The following NECAB1 variants were observed in gnomAD, a reference collection of about 807,000 sequenced individuals.
NECAB1 encodes the protein N-terminal EF-hand calcium binding protein 1.
Under a neutral mutation model 57.5 loss-of-function variants are expected in NECAB1, and 29 were observed. That is an observed-to-expected ratio of 0.50 (90% CI 0.38 to 0.69). The LOEUF (loss-of-function observed/expected upper bound fraction) is 0.69. Ranked by LOEUF, NECAB1 falls within the 30% of genes least tolerant of loss-of-function variation. The probability of loss-of-function intolerance (pLI) is 0.00; values close to 1 mark genes in which losing one functional copy is unlikely to be tolerated. For missense variants in NECAB1, 372 were observed against 413.8 expected, an observed-to-expected ratio of 0.90 and a Z score of 0.88; for synonymous variants, 142 against 147.7, an observed-to-expected ratio of 0.96 and a Z score of 0.28.
chr8:90,860,241 T>TC (rs1812876314), intron 3 of NECAB1, among the ~76,000 whole-genome samples: 1 of 149,570 alleles, frequency 6.7e-6, no homozygotes, highest in African/African-American at 2.5e-5. Context: ...TTTTTTTCTT[T>TC]TTTTTTTTTT....
chr8:90,793,323 G>T (rs1169411932), intron 1 of NECAB1, among the ~76,000 whole-genome samples: 2 of 152,152 alleles, frequency 1.3e-5, no homozygotes, highest in African/African-American at 4.8e-5. Context: ...TGTACTGGCA[G>T]CCTTCACCCT....
chr8:90,904,133 A>G (rs1809576489), intron 5 of NECAB1, among the ~76,000 whole-genome samples: 1 of 152,336 alleles, frequency 6.6e-6, no homozygotes, highest in South Asian at 2.1e-4. Flanking sequence ...CCTCAAGCCA[A>G]GAATTTAATT....
At chr8:90,866,381 T>G (rs1808513503) in intron 3 of NECAB1, among the ~76,000 whole-genome samples, 1 of 152,192 alleles carries the variant, frequency 6.6e-6, no homozygotes, top group Non-Finnish European at 1.5e-5. Flanking sequence ...GTTGCAAATG[T>G]CTTTGTAAGC....
chr8:90,896,937 T>C (rs1216619595), intron 5 of NECAB1, among the ~76,000 whole-genome samples: 1 of 152,158 alleles, frequency 6.6e-6, no homozygotes, highest in Non-Finnish European at 1.5e-5. Context: ...GGTCTAACCC[T>C]AGCCAATAGG....
intron 5 of NECAB1, among the ~76,000 whole-genome samples, chr8:90,887,847 C>G (rs1033061621): frequency 1.3e-5 from 2 of 152,026 alleles, no homozygotes; most frequent in Admixed American, 1.3e-4. Flanking sequence ...TACAGTTTCT[C>G]GAATGAATGT....
intron 3 of NECAB1, among the ~76,000 whole-genome samples, chr8:90,838,573 C>A (rs888315972): frequency 6.6e-6 from 1 of 152,178 alleles, no homozygotes; most frequent in South Asian, 2.1e-4. Context: ...GTCACTCAGC[C>A]TGGAACCATT....
At chr8:90,867,563 C>T (rs963195807) in intron 3 of NECAB1, among the ~76,000 whole-genome samples, 4 of 152,112 alleles carry the variant, frequency 2.6e-5, no homozygotes, top group African/African-American at 9.7e-5. Context: ...ATCTATCATT[C>T]CGAGACTTCT....
intron 10 of NECAB1, among the ~76,000 whole-genome samples, chr8:90,945,524 G>A (rs552330303): frequency 4.8e-4 from 73 of 152,236 alleles, no homozygotes; most frequent in African/African-American, 1.5e-3. Flanking sequence ...TTATATAGAC[G>A]AAATAAATTA....
chr8:90,876,118 T>A (rs1191934208), intron 4 of NECAB1, among the ~76,000 whole-genome samples: 1 of 152,204 alleles, frequency 6.6e-6, no homozygotes, highest in East Asian at 1.9e-4. Flanking sequence ...TTTCGGTAGC[T>A]GTGCACTAAG....
intron 3 of NECAB1, among the ~76,000 whole-genome samples, chr8:90,862,383 A>G (rs1477211679): frequency 6.6e-6 from 1 of 152,102 alleles, no homozygotes; most frequent in Non-Finnish European, 1.5e-5. Context: ...TACCTTTTGG[A>G]TGTTGGGCAG....
chr8:90,847,709 ACAC>A (rs1324833930), intron 3 of NECAB1, among the ~76,000 whole-genome samples: 1 of 152,208 alleles, frequency 6.6e-6, no homozygotes, highest in African/African-American at 2.4e-5. Flanking sequence ...CACAGGCCCA[ACAC>A]CACATGTAAG....
At chr8:90,940,972 C>A in intron 10 of NECAB1, 74 bp downstream of exon 10, 2 of 1,107,572 alleles carry the variant, frequency 1.8e-6, no homozygotes, top group Non-Finnish European at 2.7e-6. Context: ...TTACTTTAGA[C>A]AAGGCTGGGG....
chr8:90,932,696 A>G (rs1160739632), intron 8 of NECAB1, among the ~76,000 whole-genome samples: 1 of 152,224 alleles, frequency 6.6e-6, no homozygotes, highest in Non-Finnish European at 1.5e-5. Context: ...GCACAGCTAG[A>G]GCAACATAGC....
intron 1 of NECAB1, among the ~76,000 whole-genome samples, chr8:90,797,188 C>A: frequency 6.6e-6 from 1 of 152,172 alleles, no homozygotes; most frequent in African/African-American, 2.4e-5. Flanking sequence ...ATCTGGGTCT[C>A]ATTTTGCTTT....
chr8:90,811,243 A>T (rs1811954760), intron 2 of NECAB1, among the ~76,000 whole-genome samples: 2 of 152,114 alleles, frequency 1.3e-5, no homozygotes, highest in African/African-American at 4.8e-5. Flanking sequence ...GAGCCACTGC[A>T]CCTGGCGAAA....
intron 5 of NECAB1, among the ~76,000 whole-genome samples, chr8:90,917,225 C>G (rs2130117262): frequency 6.6e-6 from 1 of 152,168 alleles, no homozygotes; most frequent in South Asian, 2.1e-4. Flanking sequence ...TGCAACTCTG[C>G]TGGTTTTGTC....
At chr8:90,939,824 T>G (rs1810626073) in intron 9 of NECAB1, among the ~76,000 whole-genome samples, 1 of 152,214 alleles carries the variant, frequency 6.6e-6, no homozygotes, top group South Asian at 2.1e-4. Flanking sequence ...TGACATGAAA[T>G]GAGAAACCCA....
chr8:90,792,081 T>G, intron 1 of NECAB1, 96 bp downstream of exon 1: 1 of 959,228 alleles, frequency 1.0e-6, no homozygotes, highest in Non-Finnish European at 1.6e-6. Context: ...CAGCCAATGC[T>G]TTGTCCCCAG....
Position 90,957,984 on chromosome 8 carries a change from A to G in NECAB1, c.*2472A>G, listed in dbSNP as rs1005698084. The G allele has an allele frequency of 1.3e-5, 2 of 151,408 alleles. No individual in the cohort carries two copies. Among genetic ancestry groups the G allele is most frequent in the African/African-American group, 4.8e-5 (2 of 41,358 alleles). The allele number at this position is 151,408 out of a possible 1,614,324, so 9.4% of individuals were successfully genotyped here. A position where few individuals can be genotyped will look rare whatever the true frequency, so the allele number is the denominator to read the frequency against. On this transcript the variant is annotated 3_prime_UTR_variant, in exon 13 of 13. Coordinates refer to ENST00000417640, the MANE Select transcript of NECAB1 (RefSeq NM_022351.5). Reference sequence around the variant, plus strand: ...GGTTTAGGAGTTCAAAATTCAGTGAAACAAACTTTTTGCCAATAGACCTAG... The same window carrying G: ...GGTTTAGGAGTTCAAAATTCAGTGAGACAAACTTTTTGCCAATAGACCTAG...
Sources: allele counts gnomAD v4.1 joint callset (sites outside exome capture counted in the v4.1 genomes callset), GRCh38; gene constraint gnomAD v4.1.1; transcripts MANE v1.5; gene names NCBI Gene and HGNC (gene_info 2026-07-23, HGNC 2026-07-21).